Variants in MTRF1 observed in about 807,000 individuals in gnomAD.
MTRF1 encodes mitochondrial translation release factor 1, also known as peptide chain release factor 1, mitochondrial.
Under a neutral mutation model 62.9 loss-of-function variants are expected in MTRF1, and 51 were observed. The ratio of observed to expected loss-of-function variants is 0.81; its 90% confidence interval spans 0.65 to 1.02. The LOEUF is 1.02. MTRF1 is among the 50% of genes least tolerant of loss of function. The pLI is 0.00. For synonymous variants in MTRF1, 158 were observed against 181.9 expected, an observed-to-expected ratio of 0.87 and a Z score of 1.06; for missense variants, 446 against 530.0, an observed-to-expected ratio of 0.84 and a Z score of 1.56.
chr13:41,240,617 C>T (rs919235809), intron 5 of MTRF1, among the ~76,000 whole-genome samples, 184 bp from the exon 6 acceptor site: 2 of 152,152 alleles, frequency 1.3e-5, no homozygotes, highest in African/African-American at 2.4e-5. Context: ...CACAAAACTA[C>T]AGTTTTCCAA....
chr13:41,306,479 G>A, the MTRF1 span, among the ~76,000 whole-genome samples: 1 of 152,162 alleles, frequency 6.6e-6, no homozygotes, highest in Non-Finnish European at 1.5e-5. Context: ...AACCTGATAA[G>A]TTATTTTCCC....
intron 6 of MTRF1, among the ~76,000 whole-genome samples, chr13:41,239,809 AG>A (rs1232254600): frequency 6.6e-6 from 1 of 152,186 alleles, no homozygotes; most frequent in Non-Finnish European, 1.5e-5. Context: ...AACTTTGCCT[AG>A]GGGAGAGTTA....
chr13:41,246,040 GC>G (rs2038205652), intron 5 of MTRF1, among the ~76,000 whole-genome samples: 1 of 88,514 alleles, frequency 1.1e-5, no homozygotes, highest in African/African-American at 4.0e-5. Context: ...CTTACCTACA[GC>G]CCGAACACTT....
At chr13:41,249,318 G>A (rs2038716288) in intron 5 of MTRF1, among the ~76,000 whole-genome samples, 1 of 152,070 alleles carries the variant, frequency 6.6e-6, no homozygotes, top group Non-Finnish European at 1.5e-5. Context: ...GAGGTGGGTG[G>A]ATCACAAGAT....
the MTRF1 span, among the ~76,000 whole-genome samples, chr13:41,306,608 C>A: frequency 6.6e-6 from 1 of 152,172 alleles, no homozygotes; most frequent in African/African-American, 2.4e-5. Flanking sequence ...AATCCTTTTC[C>A]AGATTCTTCT....
chr13:41,290,696 A>C, the MTRF1 span, among the ~76,000 whole-genome samples: 1 of 151,508 alleles, frequency 6.6e-6, no homozygotes, highest in Admixed American at 6.6e-5. Context: ...CTTGGCCTGT[A>C]ATGGTTCTTA....
chr13:41,263,478 T>C lies in MTRF1; in HGVS notation c.-9+7A>G. ...GGCGGGGAAGATCAGGAAAGAACTG[T>C]GAGTACCTAAGAAAAAGAAGAATAC... On this transcript the variant is annotated splice_region_variant and intron_variant, in intron 1 of 9. Transcript: ENST00000379480. 3.1e-6 allele frequency: 1 copy of C among 321,558 alleles called. No individual in the cohort carries two copies. 19.9% of individuals were successfully genotyped at this position (321,558 alleles called of 1,614,324 possible). A position where few individuals can be genotyped will look rare whatever the true frequency, so the allele number is the denominator to read the frequency against.
Position 41,237,504 on chromosome 13 carries a change from C to CT in MTRF1, c.870+2756dup, listed in dbSNP as rs1234950153. On this transcript the variant is annotated intron_variant, in intron 6 of 9. Coordinates refer to ENST00000379480, the MANE Select transcript of MTRF1 (RefSeq NM_004294.4). ...GAGCATAGTGCTCACACTATGCATT[C>CT]TTTTTTTTTTGAAACAGAGTCTCAC... 1.4e-4 allele frequency among the ~76,000 whole-genome samples: 21 copies of CT among 148,840 alleles called. No individual in the cohort carries two copies. The East Asian group carries it at 1.6e-3, about 11-fold the overall frequency.
At chr13:41,250,370 A>C (rs922919807) in intron 5 of MTRF1, among the ~76,000 whole-genome samples, 1 of 152,032 alleles carries the variant, frequency 6.6e-6, no homozygotes, top group Non-Finnish European at 1.5e-5. Context: ...CTCTCTCTCT[A>C]TAGACTCTCC....
chr13:41,224,923 C>T (rs1017469302), intron 8 of MTRF1, among the ~76,000 whole-genome samples: 61 of 152,176 alleles, frequency 4.0e-4, no homozygotes, highest in African/African-American at 1.4e-3. Flanking sequence ...TTAAAAATTA[C>T]TTTGTGGGCT....
chr13:41,311,721 G>A, the MTRF1 span: 5 of 768,486 alleles, frequency 6.5e-6, no homozygotes, highest in Non-Finnish European at 1.0e-5. Flanking sequence ...GGAGGTCGCG[G>A]GACCCCACTT....
the MTRF1 span, among the ~76,000 whole-genome samples, chr13:41,273,211 A>G: frequency 3.0e-4 from 46 of 152,006 alleles, 1 homozygote; most frequent in East Asian, 7.6e-3. Flanking sequence ...CTGTAGTCCC[A>G]GTTGCTCGGG....
intron 6 of MTRF1, 145 bp downstream of exon 6, chr13:41,240,116 T>A (rs185857355): frequency 1.5e-6 from 1 of 686,036 alleles, no homozygotes. Flanking sequence ...TGAGCAGAGA[T>A]CGCGCCACTG....
chr13:41,224,458 G>C (rs1234229929), intron 8 of MTRF1, among the ~76,000 whole-genome samples: 1 of 152,124 alleles, frequency 6.6e-6, no homozygotes, highest in Non-Finnish European at 1.5e-5. Context: ...CTAAACTCCT[G>C]ACCATTAGAA....
At chr13:41,238,518 C>A (rs1442162140) in intron 6 of MTRF1, among the ~76,000 whole-genome samples, 2 of 152,076 alleles carry the variant, frequency 1.3e-5, no homozygotes, top group African/African-American at 4.8e-5. Flanking sequence ...AAGTTCTTTA[C>A]AGAAGAATGC....
At chr13:41,223,528 G>A (rs1188568225) in intron 8 of MTRF1, among the ~76,000 whole-genome samples, 174 bp from the exon 9 acceptor site, 3 of 152,192 alleles carry the variant, frequency 2.0e-5, no homozygotes, top group Admixed American at 2.0e-4. Flanking sequence ...CTACAGGTTT[G>A]TAGAGCTCGG....
At chr13:41,237,546 G>T (rs1411729414) in intron 6 of MTRF1, among the ~76,000 whole-genome samples, 1 of 152,050 alleles carries the variant, frequency 6.6e-6, no homozygotes, top group Non-Finnish European at 1.5e-5. Flanking sequence ...GCCCAGGCTG[G>T]AATACAATGG....
the MTRF1 span, chr13:41,288,061 G>A: frequency 2.4e-6 from 1 of 415,554 alleles, no homozygotes; most frequent in Admixed American, 2.7e-5. Flanking sequence ...AATGATGCAA[G>A]ACTCACAAGG....
At chr13:41,269,164 T>C in the MTRF1 span, among the ~76,000 whole-genome samples, 82 of 149,662 alleles carry the variant, frequency 5.5e-4, no homozygotes, top group Admixed American at 1.7e-3. Flanking sequence ...ATCTCTCTTA[T>C]TTCCTGGTTC....
Sources: gnomAD v4.1 joint callset for allele counts (sites outside exome capture counted in the v4.1 genomes callset) on GRCh38, gnomAD v4.1.1 for gene constraint, MANE v1.5 for transcripts, NCBI Gene and HGNC (gene_info 2026-07-23, HGNC 2026-07-21) for gene names.